Variants in XKR4 observed in about 807,000 individuals in gnomAD.
XKR4 encodes XK-related protein 4.
Under a neutral mutation model 53.9 loss-of-function variants are expected in XKR4, and 12 were observed. The ratio of observed to expected loss-of-function variants is 0.22; its 90% CI spans 0.14 to 0.36. The LOEUF is 0.36. Ranked by LOEUF, XKR4 falls within the 10% of genes least tolerant of loss-of-function variation. XKR4 has a pLI of 1.00. For synonymous variants in XKR4, 354 were observed against 362.4 expected, an observed-to-expected ratio of 0.98 and a Z score of 0.26; for missense variants, 799 against 859.5, an observed-to-expected ratio of 0.93 and a Z score of 0.88.
At chr8:55,198,234 G>C (rs1817530481) in intron 1 of XKR4, among the ~76,000 whole-genome samples, 1 of 152,182 alleles carries the variant, frequency 6.6e-6, no homozygotes, top group Non-Finnish European at 1.5e-5. Context: ...GCGCTACCCT[G>C]ATGGGGATTT....
At chr8:55,221,252 G>A (rs558669014) in intron 1 of XKR4, among the ~76,000 whole-genome samples, 80 of 152,320 alleles carry the variant, frequency 5.3e-4, no homozygotes, top group Admixed American at 2.4e-3. Flanking sequence ...AAGATAAGCC[G>A]ACAATGTGTT....
chr8:55,308,192 G>A (rs1440423145), intron 1 of XKR4, among the ~76,000 whole-genome samples: 3 of 152,196 alleles, frequency 2.0e-5, no homozygotes, highest in East Asian at 3.9e-4. Flanking sequence ...GGCATAGGTT[G>A]CAGTGAGCCG....
At chr8:55,113,211 A>T (rs1345222704) in intron 1 of XKR4, among the ~76,000 whole-genome samples, 2 of 152,230 alleles carry the variant, frequency 1.3e-5, no homozygotes, top group Admixed American at 6.5e-5. Context: ...TGAAGGTTTT[A>T]TCTAACAAGC....
At chr8:55,161,570 C>G (rs1213025409) in intron 1 of XKR4, 1 of 456,194 alleles carries the variant, frequency 2.2e-6, no homozygotes, top group Admixed American at 2.3e-5. Flanking sequence ...TCTGTCCGGT[C>G]CTAGACAAGT....
chr8:55,127,528 C>T (rs1437027021), intron 1 of XKR4, among the ~76,000 whole-genome samples: 1 of 151,016 alleles, frequency 6.6e-6, no homozygotes, highest in Non-Finnish European at 1.5e-5. Context: ...GCTGGGATTA[C>T]AGGCGTGAGC....
At chr8:55,461,288 C>A (rs919977922) in intron 2 of XKR4, among the ~76,000 whole-genome samples, 1 of 152,218 alleles carries the variant, frequency 6.6e-6, no homozygotes, top group East Asian at 1.9e-4. Flanking sequence ...TCCAGAGGAA[C>A]GATCAGGCAG....
chr8:55,135,483 G>A (rs772385470), intron 1 of XKR4: 5 of 400,344 alleles, frequency 1.2e-5, no homozygotes, highest in Non-Finnish European at 2.1e-5. Flanking sequence ...TATCTGAATC[G>A]GTGGCTTCAC....
intron 2 of XKR4, among the ~76,000 whole-genome samples, chr8:55,427,000 C>T (rs138754841): frequency 0.015 from 2,212 of 152,202 alleles, 28 homozygotes; most frequent in Non-Finnish European, 0.021. Context: ...AAATTATTTA[C>T]CAGAATTTCC....
At position 55,298,321 on chromosome 8, in the gene XKR4, C is replaced by T. The variant is rs532957089; in HGVS notation, c.807-59357C>T. Among the ~76,000 whole-genome samples, 14 of 152,180 alleles carry T rather than the reference C, an allele frequency of 9.2e-5. 1 individual carries two copies. In the South Asian group the frequency reaches 2.5e-3, roughly 27 times the overall value. ...AAAATTCAGCAAATTGAATACATTG[C>T]CTGTGTTAGTCCGTTTGCATTGCTA... is the stretch of plus-strand genomic sequence containing the variant. On this transcript the variant is annotated intron_variant, in intron 1 of 2. Coordinates refer to ENST00000327381, the MANE Select transcript of XKR4 (RefSeq NM_052898.2).
At chr8:55,158,066 GT>G (rs1816933648) in intron 1 of XKR4, among the ~76,000 whole-genome samples, 1 of 152,192 alleles carries the variant, frequency 6.6e-6, no homozygotes. Context: ...TGGTAATTCT[GT>G]TTTAAGTTCT....
At chr8:55,456,044 A>G (rs1563355604) in intron 2 of XKR4, among the ~76,000 whole-genome samples, 1 of 152,224 alleles carries the variant, frequency 6.6e-6, no homozygotes, top group Admixed American at 6.5e-5. Context: ...ATATTATCTA[A>G]AATTTCCATT....
chr8:55,350,469 A>G (rs1444562446), intron 1 of XKR4, among the ~76,000 whole-genome samples: 1 of 152,184 alleles, frequency 6.6e-6, no homozygotes, highest in East Asian at 1.9e-4. Context: ...CTCCCCATCT[A>G]AAAGTAAAGT....
At chr8:55,463,027 G>A (rs552781551) in intron 2 of XKR4, among the ~76,000 whole-genome samples, 12 of 152,070 alleles carry the variant, frequency 7.9e-5, no homozygotes, top group Non-Finnish European at 1.6e-4. Flanking sequence ...ATAATAATGC[G>A]AGACTTTAAC....
chr8:55,171,530 T>A (rs1019492100), intron 1 of XKR4, among the ~76,000 whole-genome samples: 2 of 152,220 alleles, frequency 1.3e-5, no homozygotes, highest in Non-Finnish European at 2.9e-5. Flanking sequence ...GCCTTTATTT[T>A]GAGCCTTATA....
At chr8:55,455,822 CAGTCATCAGGAGGT>C (rs2129397148) in intron 2 of XKR4, among the ~76,000 whole-genome samples, 1 of 152,278 alleles carries the variant, frequency 6.6e-6, no homozygotes, top group Admixed American at 6.5e-5. Context: ...ACACAAAGAT[CAGTCATCAGGAGGT>C]AGGAGCTTTA....
chr8:55,212,686 C>T (rs998172955), intron 1 of XKR4, among the ~76,000 whole-genome samples: 1 of 152,068 alleles, frequency 6.6e-6, no homozygotes, highest in Non-Finnish European at 1.5e-5. Context: ...TTTGTTTTGT[C>T]CTTAAAAATT....
intron 2 of XKR4, among the ~76,000 whole-genome samples, chr8:55,373,538 AACTTCCCT>A (rs1463274179): frequency 6.6e-6 from 1 of 152,004 alleles, no homozygotes; most frequent in Non-Finnish European, 1.5e-5. Context: ...ATGGGGCATG[AACTTCCCT>A]ACACTAGGGT....
At chr8:55,256,210 G>A (rs1818437556) in intron 1 of XKR4, among the ~76,000 whole-genome samples, 1 of 152,150 alleles carries the variant, frequency 6.6e-6, no homozygotes, top group South Asian at 2.1e-4. Context: ...GTGTGAGGCT[G>A]AGAATGAAGG....
intron 2 of XKR4, among the ~76,000 whole-genome samples, chr8:55,398,027 CT>C: frequency 6.6e-6 from 1 of 152,188 alleles, no homozygotes; most frequent in Non-Finnish European, 1.5e-5. Flanking sequence ...TAGTGAAAAT[CT>C]ATCTAGTCTT....
Sources: gnomAD v4.1 joint callset for allele counts (sites outside exome capture counted in the v4.1 genomes callset) on GRCh38, gnomAD v4.1.1 for gene constraint, MANE v1.5 for transcripts, NCBI Gene and HGNC (gene_info 2026-07-23, HGNC 2026-07-21) for gene names.